The following GREM1 variants were observed in gnomAD, a reference collection of about 807,000 sequenced individuals.
The protein encoded by GREM1 is gremlin-1.
In GREM1, 6 loss-of-function variants were observed where a neutral mutation model predicts 13.1. The ratio of observed to expected loss-of-function variants is 0.46; its 90% CI spans 0.25 to 0.91. The LOEUF is 0.91. GREM1 is among the 40% of genes least tolerant of loss of function. The probability of loss-of-function intolerance (pLI) is 0.18; values close to 1 mark genes in which losing one functional copy is unlikely to be tolerated. For missense variants in GREM1, 185 were observed against 233.9 expected (o/e 0.79, Z 1.36); for synonymous variants, 98 against 93.7 (o/e 1.05, Z -0.27).
At position 32,727,911 on chromosome 15, in the gene GREM1, A is replaced by G. The variant is rs534266494; in HGVS notation, c.-1-2779A>G. ...AAGTGCTACAAAGAATAAAATACCT[A>G]GGAATCCAACTTACAAGGGATGTGA... On this transcript the variant is annotated intron_variant, in intron 1 of 1. Coordinates refer to ENST00000651154, the MANE Select transcript of GREM1 (RefSeq NM_013372.7). Among the ~76,000 whole-genome samples, 18 of 152,356 alleles carry G rather than the reference A, an allele frequency of 1.2e-4. No individual in the cohort carries two copies. In the South Asian group the frequency reaches 3.5e-3, roughly 30 times the overall value.
chr15:32,740,364 T>C lies in GREM1; in HGVS notation c.*9119T>C, dbSNP rs2055750374. 6.6e-6 allele frequency: 1 copy of C among 152,060 alleles called. No individual in the cohort carries two copies. The allele number at this position is 152,060 out of a possible 1,614,324, so 9.4% of individuals were successfully genotyped here. A position where few individuals can be genotyped will look rare whatever the true frequency, so the allele number is the denominator to read the frequency against. ...TCACCAGAGTCAAGAGAACAATGCA[T>C]GAAAAAAGTTAAGAATTTTGACAAA... On this transcript the variant is annotated 3_prime_UTR_variant, in exon 2 of 2. Coordinates refer to ENST00000651154, the MANE Select transcript of GREM1 (RefSeq NM_013372.7).
At chr15:32,719,705 C>T (rs2055372941) in intron 1 of GREM1, among the ~76,000 whole-genome samples, 1 of 152,120 alleles carries the variant, frequency 6.6e-6, no homozygotes, top group South Asian at 2.1e-4. Flanking sequence ...AAGTGGGTCA[C>T]TAGGGTTTTA....
chr15:32,726,936 C>A (rs2055518578), intron 1 of GREM1, among the ~76,000 whole-genome samples: 1 of 152,126 alleles, frequency 6.6e-6, no homozygotes, highest in Non-Finnish European at 1.5e-5. Context: ...TGAACGCATA[C>A]ACCCTCCCAA....
At chr15:32,728,198 G>T (rs977414079) in intron 1 of GREM1, among the ~76,000 whole-genome samples, 4 of 152,122 alleles carry the variant, frequency 2.6e-5, no homozygotes, top group Non-Finnish European at 5.9e-5. Context: ...TAAGCAAAAA[G>T]AAAAAAGCTG....
Position 32,719,463 on chromosome 15 carries a change from T to C in GREM1, c.-2+1302T>C, listed in dbSNP as rs957442329. 1.3e-5 allele frequency among the ~76,000 whole-genome samples: 2 copies of C among 152,206 alleles called. 1 individual carries two copies. The highest frequency in any genetic ancestry group is 2.9e-5 in the Non-Finnish European group (2 of 68,032). On this transcript the variant is annotated intron_variant, in intron 1 of 1. Coordinates refer to ENST00000651154, the MANE Select transcript of GREM1 (RefSeq NM_013372.7). ...GCATTCCCGGGTCGAATCCGTCTAC[T>C]GCCTTCCCCTCCTCGACCGACTCCG...
At position 32,734,156 on chromosome 15, in the gene GREM1, A is replaced by C. The variant is rs1567115568; in HGVS notation, c.*2911A>C. The C allele has an allele frequency of 4.1e-6, 1 of 241,426 alleles. No individual in the cohort carries two copies. The highest frequency in any genetic ancestry group is 8.8e-6 in the Non-Finnish European group (1 of 114,116). 15.0% of individuals were successfully genotyped at this position (241,426 alleles called of 1,614,324 possible). On this transcript the variant is annotated 3_prime_UTR_variant, in exon 2 of 2. Coordinates refer to ENST00000651154, the MANE Select transcript of GREM1 (RefSeq NM_013372.7). ...AAACAAAATCTTGACCCAGCTGAACATGTCTTCCTGAGTCAGTGCCTGAAT... is the reference window on the plus strand; with the variant it reads ...AAACAAAATCTTGACCCAGCTGAACCTGTCTTCCTGAGTCAGTGCCTGAAT...
Position 32,731,415 on chromosome 15 carries a change from G to T in GREM1, c.*170G>T. The T allele has an allele frequency of 1.6e-6, 1 of 620,224 alleles. No individual in the cohort carries two copies. Among genetic ancestry groups the T allele is most frequent in the Admixed American group, 3.0e-5 (1 of 33,758 alleles). 38.4% of individuals were successfully genotyped at this position (620,224 alleles called of 1,614,324 possible). A position where few individuals can be genotyped will look rare whatever the true frequency, so the allele number is the denominator to read the frequency against. On this transcript the variant is annotated 3_prime_UTR_variant, in exon 2 of 2. Coordinates refer to ENST00000651154, the MANE Select transcript of GREM1 (RefSeq NM_013372.7). ...TTCGTGTGCATGAGTGTGGATGGGT[G>T]CCTGTGGGTGTTTTTAGACACCAGA...
At position 32,728,517 on chromosome 15, in the gene GREM1, TTTTAA is replaced by T. The variant is rs148533418; in HGVS notation, c.-1-2169_-1-2165del. Among the ~76,000 whole-genome samples the T allele has an allele frequency of 0.066, 10,061 of 152,268 alleles. 408 individuals are homozygous for T. The highest frequency in any genetic ancestry group is 0.099 in the Non-Finnish European group (6,756 of 68,006). Reference sequence around the variant, plus strand: ...ATATCTTAAATTCAATATTTAATTATTTTAATTTGACATTATCCTAGAGTTGAATG... The same window carrying T: ...ATATCTTAAATTCAATATTTAATTATTTTGACATTATCCTAGAGTTGAATG... On this transcript the variant is annotated intron_variant, in intron 1 of 1. Transcript: ENST00000651154.
intron 1 of GREM1, among the ~76,000 whole-genome samples, chr15:32,724,750 T>C (rs1379160432): frequency 1.3e-5 from 2 of 152,102 alleles, no homozygotes; most frequent in Admixed American, 6.5e-5. Context: ...CAACCCATCA[T>C]CTACATTAGG....
At position 32,734,703 on chromosome 15, in the gene GREM1, C is replaced by G. The variant is rs964904848; in HGVS notation, c.*3458C>G. On this transcript the variant is annotated 3_prime_UTR_variant, in exon 2 of 2. Transcript: ENST00000651154. Reference sequence around the variant, plus strand: ...CGTGCGTTTGTGTTTGGTAGTGTTCCTAGGGCAGAGGTGGAGCAGGGATGC... The same window carrying G: ...CGTGCGTTTGTGTTTGGTAGTGTTCGTAGGGCAGAGGTGGAGCAGGGATGC... The G allele has an allele frequency of 2.8e-4, 62 of 220,548 alleles. No homozygotes were observed. Among genetic ancestry groups the G allele is most frequent in the African/African-American group, 1.3e-3 (59 of 44,386 alleles). The allele number at this position is 220,548 out of a possible 1,614,324, so 13.7% of individuals were successfully genotyped here.
At position 32,729,501 on chromosome 15, in the gene GREM1, TGTAGAAGA is replaced by T. The variant is rs376732332; in HGVS notation, c.-1-1186_-1-1179del. ...TACTACCTCCCCTGAACATTCAACT[TGTAGAAGA>T]GTTCCCCTTTCTCTGAATTGCATTC... On this transcript the variant is annotated intron_variant, in intron 1 of 1. Coordinates refer to ENST00000651154, the MANE Select transcript of GREM1 (RefSeq NM_013372.7). 2.0e-4 allele frequency among the ~76,000 whole-genome samples: 31 copies of T among 152,326 alleles called. 2 individuals carry two copies. The highest frequency in any genetic ancestry group is 3.4e-3 in the Middle Eastern group (1 of 294).
At position 32,718,091 on chromosome 15, in the gene GREM1, G is replaced by A. The variant is rs568143803; in HGVS notation, c.-72G>A. On this transcript the variant is annotated 5_prime_UTR_variant, in exon 1 of 2. Transcript: ENST00000651154. ...CGCTGACCCCGCGCCGAGCCCCGGC[G>A]GCTCTGGCCGCGGCCGCACTCAGCG... 119 of 1,221,156 alleles carry A rather than the reference G, an allele frequency of 9.7e-5. No individual in the cohort carries two copies. In the East Asian group the frequency reaches 1.2e-3, roughly 12 times the overall value. The allele number at this position is 1,221,156 out of a possible 1,614,324, so 75.6% of individuals were successfully genotyped here. A position where few individuals can be genotyped will look rare whatever the true frequency, so the allele number is the denominator to read the frequency against.
At chr15:32,720,132 A>C (rs2055381308) in intron 1 of GREM1, among the ~76,000 whole-genome samples, 1 of 152,042 alleles carries the variant, frequency 6.6e-6, no homozygotes. Context: ...CATTGTAGGA[A>C]TTAGAGTCTT....
In GREM1 at chr15:32,743,058, C is replaced by T. The variant is rs1337898075; in HGVS notation, c.*11813C>T. On this transcript the variant is annotated 3_prime_UTR_variant, in exon 2 of 2. Coordinates refer to ENST00000651154, the MANE Select transcript of GREM1 (RefSeq NM_013372.7). The stretch of plus-strand genomic sequence containing the variant: ...ATGTTTCTGCACAGCAAACGACCAA[C>T]TGAATGAAAAGGCAATCTATGGAAC... 2.0e-5 allele frequency: 3 copies of T among 152,196 alleles called. No individual in the cohort carries two copies. Among genetic ancestry groups the T allele is most frequent in the African/African-American group, 7.2e-5 (3 of 41,450 alleles). 9.4% of individuals were successfully genotyped at this position (152,196 alleles called of 1,614,324 possible).
intron 1 of GREM1, among the ~76,000 whole-genome samples, chr15:32,722,719 G>A (rs562788626): frequency 1.3e-5 from 2 of 152,322 alleles, no homozygotes; most frequent in South Asian, 2.1e-4. Context: ...ATGCTGTAGA[G>A]AGGACCTGCT....
At chr15:32,729,511 T>A (rs1041285308) in intron 1 of GREM1, among the ~76,000 whole-genome samples, 1 of 152,166 alleles carries the variant, frequency 6.6e-6, no homozygotes, top group African/African-American at 2.4e-5. Context: ...TGTAGAAGAG[T>A]TCCCCTTTCT....
Position 32,731,150 on chromosome 15 carries a change from G to C in GREM1, c.460G>C (p.Val154Leu). 1 of 1,614,068 alleles carries C rather than the reference G, an allele frequency of 6.2e-7. No individual in the cohort carries two copies. Among genetic ancestry groups the C allele is most frequent in the Non-Finnish European group, 8.5e-7 (1 of 1,179,976 alleles). ...CKPKKFTTMM[V>L]TLNCPELQPP... ...GCCCAAGAAATTCACTACCATGATG[G>C]TCACACTCAACTGCCCTGAACTACA... The change falls in exon 2 of 2, where the codon GTC becomes CTC. Residue 154 changes from valine (V) to leucine (L), a missense_variant. By Grantham distance (32) the Val-to-Leu change is conservative (BLOSUM62 1). Transcript: ENST00000651154.
intron 1 of GREM1, among the ~76,000 whole-genome samples, chr15:32,726,685 C>CA (rs1424985709): frequency 1.4e-5 from 2 of 141,928 alleles, no homozygotes; most frequent in South Asian, 2.3e-4. Flanking sequence ...AAAAACCCTT[C>CA]AAAAAATCAA....
chr15:32,728,284 C>A (rs2055549935), intron 1 of GREM1, among the ~76,000 whole-genome samples: 1 of 151,796 alleles, frequency 6.6e-6, no homozygotes. Context: ...AGTATAAGTG[C>A]TTTTTTTTAA....
Sources: allele counts gnomAD v4.1 joint callset (sites outside exome capture counted in the v4.1 genomes callset), GRCh38; gene constraint gnomAD v4.1.1; transcripts MANE v1.5; gene names NCBI Gene and HGNC (gene_info 2026-07-23, HGNC 2026-07-21).